Variants in MALRD1 observed in about 807,000 individuals in gnomAD.
The protein encoded by MALRD1 is MAM and LDL-receptor class A domain-containing protein 1.
MALRD1 carries 247 observed loss-of-function variants against 242.1 expected under a neutral mutation model. The ratio of observed to expected loss-of-function variants is 1.02; its 90% CI spans 0.92 to 1.13. The LOEUF is 1.13. Among genes scored for constraint, MALRD1 ranks in the 50% most tolerant of loss-of-function variants. MALRD1 has a pLI of 0.00. For missense variants in MALRD1, 2,989 were observed against 2,533.1 expected, an observed-to-expected ratio of 1.18 and a Z score of -3.86; for synonymous variants, 995 against 866.6, an observed-to-expected ratio of 1.15 and a Z score of -2.60.
intron 14 of MALRD1, among the ~76,000 whole-genome samples, chr10:19,184,314 A>G (rs1835645580): frequency 6.6e-6 from 1 of 152,194 alleles, no homozygotes; most frequent in Non-Finnish European, 1.5e-5. Flanking sequence ...ATGAGGAGTG[A>G]GCTCCAGAGA....
At position 19,108,663 on chromosome 10, in the gene MALRD1, C is replaced by T. The variant is rs1226561328; in HGVS notation, c.694+4588C>T. On this transcript the variant is annotated intron_variant, in intron 5 of 39. Transcript: ENST00000454679. The stretch of plus-strand genomic sequence containing the variant: ...CGATCTCCTGACCTCATGATCCACC[C>T]GCCTCGGCCTCCCAAAGTGCTGGGA... Among the ~76,000 whole-genome samples, 13 of 26,560 alleles carry T rather than the reference C, an allele frequency of 4.9e-4. 6 individuals are homozygous for T. Among genetic ancestry groups the T allele is most frequent in the African/African-American group, 3.0e-3 (6 of 2,032 alleles). The allele number at this position is 26,560 out of a possible 152,430, so 17.4% of individuals were successfully genotyped here.
chr10:19,158,295 G>C (rs1486641411), intron 12 of MALRD1, among the ~76,000 whole-genome samples: 1 of 152,188 alleles, frequency 6.6e-6, no homozygotes, highest in Admixed American at 6.5e-5. Context: ...TTCAAAGTTA[G>C]TTTGTATGTT....
intron 29 of MALRD1, among the ~76,000 whole-genome samples, chr10:19,483,711 C>A (rs1837117629): frequency 1.3e-5 from 2 of 152,140 alleles, no homozygotes; most frequent in Admixed American, 1.3e-4. Context: ...CTGTAGAAAG[C>A]AGTTTGGAGA....
At chr10:19,229,602 C>A (rs1582060) in intron 18 of MALRD1, among the ~76,000 whole-genome samples, 13,613 of 152,116 alleles carry the variant, frequency 0.089, 789 homozygotes, top group African/African-American at 0.17. Flanking sequence ...CGCTTCCACC[C>A]ATAGAAAAGC....
chr10:19,238,754 T>G (rs1420624264), intron 18 of MALRD1, among the ~76,000 whole-genome samples: 1 of 150,050 alleles, frequency 6.7e-6, no homozygotes, highest in Non-Finnish European at 1.5e-5. Context: ...TGTGATCGAA[T>G]GATTGTTTTT....
intron 36 of MALRD1, among the ~76,000 whole-genome samples, chr10:19,686,692 C>A (rs1231571943): frequency 2.0e-5 from 3 of 152,108 alleles, no homozygotes; most frequent in African/African-American, 7.2e-5. Context: ...TTCTCCTGCC[C>A]TGTTAATATC....
rs554444620 is a variant in MALRD1 at position 19,190,636 on chromosome 10, C to A, written c.1952-13092C>A. Reference sequence around the variant, plus strand: ...ATAGATTACAGAGTCCAGAAATAAACCCTCACATATATGAACAAGTGATTT... The same window carrying A: ...ATAGATTACAGAGTCCAGAAATAAAACCTCACATATATGAACAAGTGATTT... On this transcript the variant is annotated intron_variant, in intron 14 of 39. Coordinates refer to ENST00000454679, the MANE Select transcript of MALRD1 (RefSeq NM_001142308.3). 5.5e-5 allele frequency among the ~76,000 whole-genome samples: 8 copies of A among 145,922 alleles called. No individual in the cohort carries two copies. The South Asian group carries it at 1.3e-3, about 24-fold the overall frequency.
At chr10:19,104,511 C>T (rs1836393899) in intron 5 of MALRD1, among the ~76,000 whole-genome samples, 1 of 152,048 alleles carries the variant, frequency 6.6e-6, no homozygotes, top group African/African-American at 2.4e-5. Context: ...CAATAAACTA[C>T]ATATATCAGA....
intron 14 of MALRD1, among the ~76,000 whole-genome samples, chr10:19,188,012 A>G (rs1368273702): frequency 1.3e-5 from 2 of 152,212 alleles, no homozygotes; most frequent in East Asian, 3.8e-4. Flanking sequence ...CTAGGGTAGA[A>G]TCCTGTCATT....
chr10:19,719,362 G>A (rs911949248), intron 38 of MALRD1, among the ~76,000 whole-genome samples: 4 of 150,356 alleles, frequency 2.7e-5, no homozygotes, highest in South Asian at 2.1e-4. Flanking sequence ...GAGTGAAGAC[G>A]GAGCTCCCAT....
At chr10:19,421,195 A>G (rs1276124595) in intron 28 of MALRD1, among the ~76,000 whole-genome samples, 1 of 152,150 alleles carries the variant, frequency 6.6e-6, no homozygotes, top group African/African-American at 2.4e-5. Context: ...GATGCTTTTG[A>G]TGCATCTGTT....
chr10:19,393,594 G>A (rs560790731), intron 28 of MALRD1, among the ~76,000 whole-genome samples: 8 of 150,090 alleles, frequency 5.3e-5, no homozygotes, highest in Non-Finnish European at 1.0e-4. Flanking sequence ...TACAGGCGCC[G>A]GCCACCACGC....
intron 21 of MALRD1, among the ~76,000 whole-genome samples, chr10:19,317,457 C>T (rs541761230): frequency 3.8e-4 from 57 of 151,996 alleles, no homozygotes; most frequent in Non-Finnish European, 6.6e-4. Flanking sequence ...AACATTCAGA[C>T]CATAGCAAGT....
intron 31 of MALRD1, among the ~76,000 whole-genome samples, chr10:19,506,545 T>C (rs1833153018): frequency 6.6e-6 from 1 of 152,052 alleles, no homozygotes; most frequent in Admixed American, 6.5e-5. Flanking sequence ...ATCATACAAG[T>C]GCAACCATTT....
chr10:19,379,251 G>A (rs1845736324), intron 26 of MALRD1, among the ~76,000 whole-genome samples: 1 of 152,002 alleles, frequency 6.6e-6, no homozygotes, highest in African/African-American at 2.4e-5. Context: ...CAACTAAACA[G>A]CTTTTGGTTG....
intron 38 of MALRD1, among the ~76,000 whole-genome samples, chr10:19,711,999 A>G (rs913281717): frequency 6.6e-6 from 1 of 152,210 alleles, no homozygotes; most frequent in Non-Finnish European, 1.5e-5. Flanking sequence ...GGGGTCTGAC[A>G]TCTCATTTTC....
chr10:19,336,310 C>T (rs763014971), intron 24 of MALRD1, among the ~76,000 whole-genome samples: 29 of 152,152 alleles, frequency 1.9e-4, no homozygotes, highest in South Asian at 1.0e-3. Context: ...AGCTTATTTA[C>T]GGATGAGACA....
intron 26 of MALRD1, among the ~76,000 whole-genome samples, chr10:19,363,554 A>G (rs1844986632): frequency 6.6e-6 from 1 of 152,166 alleles, no homozygotes; most frequent in African/African-American, 2.4e-5. Context: ...TTCCTCCTCA[A>G]CCTTGAAATC....
At chr10:19,445,701 G>A (rs1159863836) in intron 28 of MALRD1, among the ~76,000 whole-genome samples, 2 of 152,192 alleles carry the variant, frequency 1.3e-5, no homozygotes, top group African/African-American at 4.8e-5. Flanking sequence ...TGTGTGAGGT[G>A]TCACCCTACT....
Sources: allele counts gnomAD v4.1 joint callset (sites outside exome capture counted in the v4.1 genomes callset), GRCh38; gene constraint gnomAD v4.1.1; transcripts MANE v1.5; gene names NCBI Gene and HGNC (gene_info 2026-07-23, HGNC 2026-07-21).